Variants in CMSS1 observed in about 807,000 individuals in gnomAD.
CMSS1 encodes the protein cms1 ribosomal small subunit homolog.
Under a neutral mutation model 43.5 loss-of-function variants are expected in CMSS1, and 33 were observed. The ratio of observed to expected loss-of-function variants is 0.76; its 90% CI spans 0.57 to 1.01. The LOEUF is 1.01. CMSS1 is among the 50% of genes least tolerant of loss of function. CMSS1 has a pLI of 0.00. For missense variants in CMSS1, 313 were observed against 326.4 expected (o/e 0.96, Z 0.32); for synonymous variants, 115 against 117.2 (o/e 0.98, Z 0.12).
chr3:99,886,564 G>T (rs1011912704), intron 1 of CMSS1, among the ~76,000 whole-genome samples: 1 of 151,686 alleles, frequency 6.6e-6, no homozygotes, highest in Admixed American at 6.6e-5. Flanking sequence ...CCCAGATTTT[G>T]GGGGGGTAGA....
chr3:99,987,546 A>AG (rs927174001), intron 1 of CMSS1, among the ~76,000 whole-genome samples: 1 of 149,932 alleles, frequency 6.7e-6, no homozygotes, highest in Non-Finnish European at 1.5e-5. Context: ...AAAAAAAAAA[A>AG]GAAAGAAAGA....
At chr3:99,866,876 G>A (rs1398096840) in intron 1 of CMSS1, among the ~76,000 whole-genome samples, 1 of 152,066 alleles carries the variant, frequency 6.6e-6, no homozygotes, top group Non-Finnish European at 1.5e-5. Context: ...TTTTTCTTGT[G>A]GTCTGTGTTT....
chr3:99,914,456 C>T (rs1000897762), intron 1 of CMSS1, among the ~76,000 whole-genome samples: 6 of 152,068 alleles, frequency 3.9e-5, no homozygotes, highest in African/African-American at 1.4e-4. Context: ...AGAAGTAACA[C>T]ATCTCTAAAC....
intron 1 of CMSS1, among the ~76,000 whole-genome samples, chr3:99,865,379 C>G (rs2107566872): frequency 6.6e-6 from 1 of 152,250 alleles, no homozygotes; most frequent in Non-Finnish European, 1.5e-5. Context: ...ATGAGCCATC[C>G]TCTCCAGTGA....
intron 1 of CMSS1, among the ~76,000 whole-genome samples, chr3:100,085,133 A>G (rs1223074335): frequency 1.3e-5 from 2 of 152,210 alleles, no homozygotes; most frequent in African/African-American, 2.4e-5. Flanking sequence ...CACAAGAGAA[A>G]CAGTCCTGAT....
chr3:99,983,432 GTATA>G (rs1339536030), intron 1 of CMSS1, among the ~76,000 whole-genome samples: 1 of 33,482 alleles, frequency 3.0e-5, no homozygotes, highest in African/African-American at 1.2e-4. Context: ...ATGTATGTAT[GTATA>G]TATATGTATG....
chr3:99,924,309 C>T lies in CMSS1; in HGVS notation c.64+106266C>T, dbSNP rs763232367. 8.7e-6 allele frequency: 14 copies of T among 1,614,022 alleles called. No homozygotes were observed. The South Asian group carries it at 1.4e-4, about 16-fold the overall frequency. ...TCTTTATGTTTTCTCTTTTCTTCCT[C>T]CAACTCCAATATGGTTTGCCTACGG... On this transcript the variant is annotated intron_variant, in intron 1 of 9. Transcript: ENST00000421999.
chr3:99,827,219 T>A (rs910588086), intron 1 of CMSS1, among the ~76,000 whole-genome samples: 2 of 152,148 alleles, frequency 1.3e-5, no homozygotes, highest in African/African-American at 4.8e-5. Context: ...TGAGACAGAG[T>A]CTCACTCTGT....
chr3:100,166,333 A>G lies in CMSS1; in HGVS notation c.356-2A>G. On this transcript the variant is annotated splice_acceptor_variant, in intron 4 of 9. Coordinates refer to ENST00000421999, the MANE Select transcript of CMSS1 (RefSeq NM_032359.4). LOFTEE classifies it high-confidence loss of function. ...TACAAAGCATGTTTATTATATTTCT[A>G]GACTCCTGTTTCCTCAAGGCCAATG... 1 of 1,584,762 alleles carries G rather than the reference A, an allele frequency of 6.3e-7. No homozygotes were observed. Among genetic ancestry groups the G allele is most frequent in the African/African-American group, 1.3e-5 (1 of 74,468 alleles).
chr3:99,939,670 A>C (rs556632559), intron 1 of CMSS1, among the ~76,000 whole-genome samples: 1 of 152,192 alleles, frequency 6.6e-6, no homozygotes, highest in Non-Finnish European at 1.5e-5. Context: ...GGATCCAAAA[A>C]TTTGATAGTA....
rs556144125 is a variant in CMSS1, at chr3:99,817,969, C to G, written c.-11C>G. 6.2e-7 allele frequency: 1 copy of G among 1,613,986 alleles called. No individual in the cohort carries two copies. Among genetic ancestry groups the G allele is most frequent in the Non-Finnish European group, 8.5e-7 (1 of 1,179,942 alleles). On this transcript the variant is annotated 5_prime_UTR_variant, in exon 1 of 10. Transcript: ENST00000421999. ...CCGTGATGTTCTGCCCACGTCGAGA[C>G]CTGAGCTGAAATGGCAGACGATCTC... is the stretch of plus-strand genomic sequence containing the variant.
chr3:99,910,699 C>A (rs1706760036), intron 1 of CMSS1, among the ~76,000 whole-genome samples: 2 of 140,978 alleles, frequency 1.4e-5, no homozygotes, highest in Non-Finnish European at 3.2e-5. Flanking sequence ...TTCCCTTTGG[C>A]CTATAGATCT....
chr3:99,872,615 A>C (rs1944857901), intron 1 of CMSS1, among the ~76,000 whole-genome samples: 1 of 152,110 alleles, frequency 6.6e-6, no homozygotes, highest in South Asian at 2.1e-4. Flanking sequence ...TGTTTAAAAA[A>C]AATTCTATAC....
At chr3:99,961,318 G>A (rs1456856445) in intron 1 of CMSS1, among the ~76,000 whole-genome samples, 4 of 152,092 alleles carry the variant, frequency 2.6e-5, no homozygotes, top group Non-Finnish European at 5.9e-5. Flanking sequence ...AATCCTCTGA[G>A]TATTTTTTTA....
chr3:99,819,736 C>T (rs1376351831), intron 1 of CMSS1, among the ~76,000 whole-genome samples: 1 of 151,668 alleles, frequency 6.6e-6, no homozygotes, highest in African/African-American at 2.4e-5. Flanking sequence ...TAGGGTTTTA[C>T]CAACCAACAG....
intron 2 of CMSS1, among the ~76,000 whole-genome samples, chr3:100,150,266 C>T (rs1419219113): frequency 2.0e-5 from 3 of 152,204 alleles, no homozygotes; most frequent in Admixed American, 6.5e-5. Flanking sequence ...TAGTACCTAA[C>T]ACAGTTTGGG....
intron 1 of CMSS1, among the ~76,000 whole-genome samples, chr3:99,979,802 A>T (rs1709068505): frequency 6.6e-6 from 1 of 152,192 alleles, no homozygotes; most frequent in Non-Finnish European, 1.5e-5. Context: ...CCTAGTCCTT[A>T]AAGAGGGCAC....
intron 1 of CMSS1, among the ~76,000 whole-genome samples, chr3:99,927,185 C>CT (rs1463120517): frequency 6.6e-6 from 1 of 152,204 alleles, no homozygotes; most frequent in Non-Finnish European, 1.5e-5. Flanking sequence ...TTCACCAAAA[C>CT]TTTCCCTATA....
At chr3:99,960,238 G>A (rs191991519) in intron 1 of CMSS1, among the ~76,000 whole-genome samples, 6 of 152,264 alleles carry the variant, frequency 3.9e-5, no homozygotes, top group African/African-American at 1.4e-4. Flanking sequence ...AGTTAGAGTA[G>A]CCACCTTTAC....
Sources: allele counts gnomAD v4.1 joint callset (sites outside exome capture counted in the v4.1 genomes callset), GRCh38; gene constraint gnomAD v4.1.1; transcripts MANE v1.5; gene names NCBI Gene and HGNC (gene_info 2026-07-23, HGNC 2026-07-21).